NEU1: variants seen among roughly 807,000 people sequenced by gnomAD.
NEU1 encodes the protein neuraminidase 1, also known as sialidase-1.
Under a neutral mutation model 38.3 loss-of-function variants are expected in NEU1, and 32 were observed. The observed-to-expected ratio is 0.84, with a 90% confidence interval of 0.63 to 1.12. The LOEUF (loss-of-function observed/expected upper bound fraction) is 1.12. Ranked by LOEUF, NEU1 falls within the 50% of genes most tolerant of loss-of-function variation. The pLI, the probability that NEU1 is intolerant of heterozygous loss-of-function variation, is 0.00. For missense variants in NEU1, 431 were observed against 549.2 expected (o/e 0.78, Z 2.15); for synonymous variants, 192 against 225.2 (o/e 0.85, Z 1.32).
chr6:31,860,713 T>A lies in NEU1; in HGVS notation c.616-92A>T. 2 of 1,396,948 alleles carry A rather than the reference T, an allele frequency of 1.4e-6. No individual in the cohort carries two copies. The highest frequency in any genetic ancestry group is 4.6e-5 in the East Asian group (2 of 43,780). The allele number at this position is 1,396,948 out of a possible 1,614,324, so 86.5% of individuals were successfully genotyped here. A position where few individuals can be genotyped will look rare whatever the true frequency, so the allele number is the denominator to read the frequency against. On this transcript the variant is annotated intron_variant, in intron 3 of 5. Transcript: ENST00000375631. This position sits in a 1 kb window ranked among gnomAD's most constrained non-coding sequence, Gnocchi z 4.8. ...CCACCACTTCCCAAATGCAATCACATGTATGGTCCCCTTGAGTTCAGCCCT... is the reference window on the plus strand; with the variant it reads ...CCACCACTTCCCAAATGCAATCACAAGTATGGTCCCCTTGAGTTCAGCCCT...
chr6:31,860,350 A>G lies in NEU1; in HGVS notation c.799-86T>C. On this transcript the variant is annotated intron_variant, in intron 4 of 5. Coordinates refer to ENST00000375631, the MANE Select transcript of NEU1 (RefSeq NM_000434.4). The surrounding 1 kb of genome is among the most constrained non-coding windows in gnomAD (Gnocchi z 4.8). The stretch of plus-strand genomic sequence containing the variant: ...AGCAAGGGTGTGTGGCACTGAGTGG[A>G]GCAGTCAGACCCTGGGTCTGTGCGT... 1 of 1,603,074 alleles carries G rather than the reference A, an allele frequency of 6.2e-7. No homozygotes were observed. Among genetic ancestry groups the G allele is most frequent in the Non-Finnish European group, 8.5e-7 (1 of 1,170,320 alleles).
At position 31,860,284 on chromosome 6, in the gene NEU1, C is replaced by A; in HGVS notation, c.799-20G>T. On this transcript the variant is annotated intron_variant, in intron 4 of 5. Coordinates refer to ENST00000375631, the MANE Select transcript of NEU1 (RefSeq NM_000434.4). This position sits in a 1 kb window ranked among gnomAD's most constrained non-coding sequence, Gnocchi z 4.8. ...ATAGGGCTGAGGGGAGAGGACAGGA[C>A]CTCAGGGAGGGAACAGGGAAAATGC... 6.2e-7 allele frequency: 1 copy of A among 1,612,862 alleles called. No homozygotes were observed. Among genetic ancestry groups the A allele is most frequent in the Non-Finnish European group, 8.5e-7 (1 of 1,179,500 alleles).
Position 31,859,495 on chromosome 6 carries a change from G to A in NEU1, c.*224C>T. The A allele has an allele frequency of 1.6e-6, 1 of 642,712 alleles. No homozygotes were observed. The highest frequency in any genetic ancestry group is 2.8e-6 in the Non-Finnish European group (1 of 356,566). The allele number at this position is 642,712 out of a possible 1,614,324, so 39.8% of individuals were successfully genotyped here. The stretch of plus-strand genomic sequence containing the variant: ...GGGGCCACACTTAGCCATATGGAAA[G>A]ACAGTATTCTCAGATGAGGGCAGGA... On this transcript the variant is annotated 3_prime_UTR_variant, in exon 6 of 6. Transcript: ENST00000375631.
At position 31,860,649 on chromosome 6, in the gene NEU1, G is replaced by C. The variant is rs773818991; in HGVS notation, c.616-28C>G. 41 of 1,612,136 alleles carry C rather than the reference G, an allele frequency of 2.5e-5. No individual in the cohort carries two copies. Among genetic ancestry groups the C allele is most frequent in the Non-Finnish European group, 3.5e-5 (41 of 1,179,812 alleles). ...GTGGGAAAGGGAACTGGGTGTCACA[G>C]AAGGAGACTCTAGGGGCTCAGAGGC... On this transcript the variant is annotated intron_variant, in intron 3 of 5. Transcript: ENST00000375631. This position sits in a 1 kb window ranked among gnomAD's most constrained non-coding sequence, Gnocchi z 4.8.
At position 31,862,085 on chromosome 6, in the gene NEU1, G is replaced by C. The variant is rs1320263521; in HGVS notation, c.266C>G (p.Thr89Ser). The C allele has an allele frequency of 6.2e-7, 1 of 1,613,096 alleles. No individual in the cohort carries two copies. The highest frequency in any genetic ancestry group is 8.5e-7 in the Non-Finnish European group (1 of 1,180,042). The change falls in exon 2 of 6, where the codon ACT becomes AGT. Residue 89 changes from threonine (T) to serine (S), a missense_variant. Transcript: ENST00000375631. This position sits in a 1 kb window ranked among gnomAD's most constrained non-coding sequence, Gnocchi z 6.3. Reference sequence around the variant, plus strand: ...CCTCGCCTCAGCAAAGGCGAGAAGAGTGCCCCGCGGAGTGGCTGTGATGAG... The same window carrying C: ...CCTCGCCTCAGCAAAGGCGAGAAGACTGCCCCGCGGAGTGGCTGTGATGAG... The part of the protein sequence containing the change: ...IPLITATPRG[T>S]LLAFAEARKM...
chr6:31,861,735 G>A (rs1762522950), intron 2 of NEU1: 1 of 618,768 alleles, frequency 1.6e-6, no homozygotes, highest in Non-Finnish European at 2.8e-6. Flanking sequence ...TGTTTTGTTC[G>A]TGGCTATATT....
At chr6:31,861,619 C>G (rs969416640) in intron 2 of NEU1, 169 bp from the exon 3 acceptor site, 6 of 794,848 alleles carry the variant, frequency 7.5e-6, no homozygotes, top group Non-Finnish European at 1.2e-5. Context: ...TTATTTTTCT[C>G]CATTGCATTT....
rs1405166553 is a variant in NEU1, at chr6:31,862,783, C to T, written c.-7G>A. ...TGGGTCGCTCCCCAGTCATCTCTCC[C>T]CGCAGCTGCCGCGACCCTGGCAGCT... On this transcript the variant is annotated 5_prime_UTR_variant, in exon 1 of 6. Coordinates refer to ENST00000375631, the MANE Select transcript of NEU1 (RefSeq NM_000434.4). The surrounding 1 kb of genome is among the most constrained non-coding windows in gnomAD (Gnocchi z 6.3). 7 of 1,612,556 alleles carry T rather than the reference C, an allele frequency of 4.3e-6. No homozygotes were observed. Among genetic ancestry groups the T allele is most frequent in the Non-Finnish European group, 5.9e-6 (7 of 1,179,856 alleles).
Position 31,862,258 on chromosome 6 carries a change from C to T in NEU1, c.160-67G>A, listed in dbSNP as rs961473974. The T allele has an allele frequency of 5.8e-6, 9 of 1,551,952 alleles. No homozygotes were observed. In the Admixed American group the frequency reaches 8.7e-5, roughly 15 times the overall value. On this transcript the variant is annotated intron_variant, in intron 1 of 5. Coordinates refer to ENST00000375631, the MANE Select transcript of NEU1 (RefSeq NM_000434.4). The surrounding 1 kb of genome is among the most constrained non-coding windows in gnomAD (Gnocchi z 6.3). Reference sequence around the variant, plus strand: ...TTGGGGGTTTTAGGAACCCACGTTCCGATGGGAGAGGGAGGATCTAATGGG... The same window carrying T: ...TTGGGGGTTTTAGGAACCCACGTTCTGATGGGAGAGGGAGGATCTAATGGG...
rs768191225 is a variant in NEU1, at chr6:31,860,615, G to A, written c.622C>T (p.Arg208Trp). The part of the protein sequence containing the change: ...PGPGSGIQKQ[R>W]EPRKGRLIVC... ...ATGAGGCGGCCCTTCCGTGGCTCCC[G>A]CTGTTTCTGTGGGAAAGGGAACTGG... is the stretch of plus-strand genomic sequence containing the variant. Residue 208 changes from arginine (R) to tryptophan (W), a missense_variant, in exon 4 of 6, where the codon CGG becomes TGG. By Grantham distance (101) the Arg-to-Trp change is moderately radical (BLOSUM62 -3). Transcript: ENST00000375631. The surrounding 1 kb of genome is among the most constrained non-coding windows in gnomAD (Gnocchi z 4.8). 21 of 1,613,346 alleles carry A rather than the reference G, an allele frequency of 1.3e-5. 2 individuals carry two copies. Among genetic ancestry groups the A allele is most frequent in the South Asian group, 8.8e-5 (8 of 91,070 alleles).
Position 31,860,327 on chromosome 6 carries a change from C to G in NEU1, c.799-63G>C, listed in dbSNP as rs546297695. 6.2e-7 allele frequency: 1 copy of G among 1,603,478 alleles called. No homozygotes were observed. Among genetic ancestry groups the G allele is most frequent in the East Asian group, 2.2e-5 (1 of 44,818 alleles). ...GAAAATGCCCTGTCCCCGAGGGGAGCAAGGGTGTGTGGCACTGAGTGGAGC... is the reference window on the plus strand; with the variant it reads ...GAAAATGCCCTGTCCCCGAGGGGAGGAAGGGTGTGTGGCACTGAGTGGAGC... On this transcript the variant is annotated intron_variant, in intron 4 of 5. Coordinates refer to ENST00000375631, the MANE Select transcript of NEU1 (RefSeq NM_000434.4). This position sits in a 1 kb window ranked among gnomAD's most constrained non-coding sequence, Gnocchi z 4.8.
In NEU1 at chr6:31,859,949, G is replaced by C. The variant is rs1023814465; in HGVS notation, c.1022-4C>G. 2 of 1,612,892 alleles carry C rather than the reference G, an allele frequency of 1.2e-6. No homozygotes were observed. The highest frequency in any genetic ancestry group is 1.6e-4 in the Middle Eastern group (1 of 6,062). ...CATCGCAGGGTCAGGTTCACTCCTG[G>C]GGAGAGCAGGAGAGTCAGGGAGAGA... is the stretch of plus-strand genomic sequence containing the variant. On this transcript the variant is annotated splice_region_variant and splice_polypyrimidine_tract_variant and intron_variant, in intron 5 of 5. Transcript: ENST00000375631.
Position 31,862,691 on chromosome 6 carries a change from C to G in NEU1, c.86G>C (p.Trp29Ser), listed in dbSNP as rs1762576007. The change falls in exon 1 of 6, where the codon TGG becomes TCG. Residue 29 changes from tryptophan (W) to serine (S), a missense_variant. Transcript: ENST00000375631. This position sits in a 1 kb window ranked among gnomAD's most constrained non-coding sequence, Gnocchi z 6.3. The part of the protein sequence containing the change: ...ILGFWGGCRV[W>S]VFAAIFLLLS... ...CAGCAGGAAGATCGCGGCAAACACC[C>G]AAACCCTACAGCCTCCCCAGAAGCC... The G allele has an allele frequency of 5.6e-6, 9 of 1,612,920 alleles. No homozygotes were observed. The East Asian group carries it at 1.8e-4, about 32-fold the overall frequency.
rs1277870919 is a variant in NEU1, at chr6:31,859,469, T to TG, written c.*249dup. ...TGTCCCGGGAGGGCAGAGAGGGTGG[T>TG]GGGGCCACACTTAGCCATATGGAAA... On this transcript the variant is annotated 3_prime_UTR_variant, in exon 6 of 6. Transcript: ENST00000375631. 4.1e-5 allele frequency: 25 copies of TG among 613,332 alleles called. No individual in the cohort carries two copies. The highest frequency in any genetic ancestry group is 1.8e-5 in the African/African-American group (1 of 54,486). The allele number at this position is 613,332 out of a possible 1,614,324, so 38.0% of individuals were successfully genotyped here.
rs747013352 is a variant in NEU1, at chr6:31,860,506, C to A, written c.731G>T (p.Ser244Ile). The A allele has an allele frequency of 6.2e-7, 1 of 1,614,132 alleles. No individual in the cohort carries two copies. Among genetic ancestry groups the A allele is most frequent in the Non-Finnish European group, 8.5e-7 (1 of 1,180,024 alleles). ...ACCGTAGGGGATGCCGCTGACCCCACTTCCGTAGCGCCAGGAGGCACCATG... is the reference window on the plus strand; with the variant it reads ...ACCGTAGGGGATGCCGCTGACCCCAATTCCGTAGCGCCAGGAGGCACCATG... Reference protein sequence around the residue: ...DDHGASWRYGSGVSGIPYGQP... With the variant: ...DDHGASWRYGIGVSGIPYGQP... The change falls in exon 4 of 6, where the codon AGT becomes ATT. Residue 244 changes from serine to isoleucine, a missense_variant. Coordinates refer to ENST00000375631, the MANE Select transcript of NEU1 (RefSeq NM_000434.4). This position sits in a 1 kb window ranked among gnomAD's most constrained non-coding sequence, Gnocchi z 4.8.
Position 31,859,618 on chromosome 6 carries a change from G to T in NEU1, c.*101C>A. On this transcript the variant is annotated 3_prime_UTR_variant, in exon 6 of 6. Transcript: ENST00000375631. ...TTGCCAAGGCTGGAGTCTAAAGGAA[G>T]ATGGAACTGTCTTTCAGGCGTCTCC... The T allele has an allele frequency of 8.5e-7, 1 of 1,182,530 alleles. No individual in the cohort carries two copies. Among genetic ancestry groups the T allele is most frequent in the Non-Finnish European group, 1.2e-6 (1 of 806,904 alleles). The allele number at this position is 1,182,530 out of a possible 1,614,324, so 73.3% of individuals were successfully genotyped here.
Position 31,861,841 on chromosome 6 carries a change from T to C in NEU1, c.352+158A>G. 14 of 822,874 alleles carry C rather than the reference T, an allele frequency of 1.7e-5. 1 individual carries two copies. The Admixed American group carries it at 2.6e-4, about 15-fold the overall frequency. 51.0% of individuals were successfully genotyped at this position (822,874 alleles called of 1,614,324 possible). On this transcript the variant is annotated intron_variant, in intron 2 of 5. Transcript: ENST00000375631. ...CTCCTTGGTGATCCCAATTTCCAGA[T>C]CACTGTCCTAGACACTTGCCCTTCT...
intron 3 of NEU1, 52 bp downstream of exon 3, chr6:31,861,136 C>G: frequency 6.2e-7 from 1 of 1,610,136 alleles, no homozygotes; most frequent in Non-Finnish European, 8.5e-7. Context: ...TGGGGGTATC[C>G]CTCAGACTCT....
At position 31,862,333 on chromosome 6, in the gene NEU1, G is replaced by C; in HGVS notation, c.160-142C>G. ...CAGAACAAGAAAGAGGAACACGAAG[G>C]GGAGTTTGGAGCGAAGCTGGAGGCT... On this transcript the variant is annotated intron_variant, in intron 1 of 5. Coordinates refer to ENST00000375631, the MANE Select transcript of NEU1 (RefSeq NM_000434.4). This position sits in a 1 kb window ranked among gnomAD's most constrained non-coding sequence, Gnocchi z 6.3. The C allele has an allele frequency of 1.9e-6, 2 of 1,037,660 alleles. No homozygotes were observed. Among genetic ancestry groups the C allele is most frequent in the Non-Finnish European group, 2.9e-6 (2 of 689,388 alleles). The allele number at this position is 1,037,660 out of a possible 1,614,324, so 64.3% of individuals were successfully genotyped here.
Sources: allele counts gnomAD v4.1 joint callset, GRCh38; gene constraint gnomAD v4.1.1; non-coding constraint Gnocchi (gnomAD v3.1); transcripts MANE v1.5; gene names NCBI Gene and HGNC (gene_info 2026-07-23, HGNC 2026-07-21).